PCGF2: variants seen among roughly 807,000 people sequenced by gnomAD.
The protein encoded by PCGF2 is polycomb group RING finger protein 2.
A neutral mutation model predicts 36.1 loss-of-function variants in PCGF2; 8 were observed. The ratio of observed to expected loss-of-function variants is 0.22; its 90% confidence interval spans 0.13 to 0.40. The LOEUF (loss-of-function observed/expected upper bound fraction) is 0.40. Ranked by LOEUF, PCGF2 falls within the 10% of genes least tolerant of loss-of-function variation. The pLI, the probability that PCGF2 is intolerant of heterozygous loss-of-function variation, is 1.00. For missense variants in PCGF2, 436 were observed against 475.9 expected, an observed-to-expected ratio of 0.92 and a Z score of 0.78; for synonymous variants, 198 against 191.2, an observed-to-expected ratio of 1.04 and a Z score of -0.29.
intron 2 of PCGF2, among the ~76,000 whole-genome samples, chr17:38,741,741 T>A (rs1030038321): frequency 6.6e-6 from 1 of 152,140 alleles, no homozygotes; most frequent in Admixed American, 6.5e-5. Flanking sequence ...GGTCCTTACA[T>A]GCCTGAAGTT....
In PCGF2 at chr17:38,738,823, C is replaced by T; in HGVS notation, c.355G>A (p.Glu119Lys). ...TCACTCAGAGCCCCCTTCTCCTGCT[C>T]CAAGACCTCGCCGCGGTCCTCATTG... is the stretch of plus-strand genomic sequence containing the variant. ...GSNEDRGEVL[E>K]QEKGALSDDE... Residue 119 changes from glutamate (E) to lysine (K), a missense_variant, in exon 7 of 11, where the codon GAG becomes AAG. Coordinates refer to ENST00000620225, the MANE Select transcript of PCGF2 (RefSeq NM_007144.3). 6.2e-7 allele frequency: 1 copy of T among 1,614,084 alleles called. No homozygotes were observed. Among genetic ancestry groups the T allele is most frequent in the East Asian group, 2.2e-5 (1 of 44,888 alleles).
In PCGF2 at chr17:38,738,400, G is replaced by C; in HGVS notation, c.529C>G (p.Leu177Val). 1 of 1,614,206 alleles carries C rather than the reference G, an allele frequency of 6.2e-7. No homozygotes were observed. Among genetic ancestry groups the C allele is most frequent in the Non-Finnish European group, 8.5e-7 (1 of 1,180,030 alleles). ...ATCTTGTTGCGGAGAAACTTGGCAA[G>C]ATGCATGACGGTCATGGCTGCTGGG... ...RCPAAMTVMH[L>V]AKFLRNKMDV... The change falls in exon 9 of 11, where the codon CTT (leucine) becomes GTT (valine). Residue 177 changes from leucine (L) to valine (V), a missense_variant. By Grantham distance (32) the Leu-to-Val change is conservative. Coordinates refer to ENST00000620225, the MANE Select transcript of PCGF2 (RefSeq NM_007144.3).
intron 2 of PCGF2, among the ~76,000 whole-genome samples, chr17:38,741,542 C>T (rs1000621822): frequency 2.0e-5 from 3 of 152,202 alleles, no homozygotes; most frequent in Non-Finnish European, 4.4e-5. Context: ...TCCCTGGAAA[C>T]ACCATGGACA....
At chr17:38,736,022 A>C in intron 10 of PCGF2, 68 bp downstream of exon 10, 1 of 1,024,402 alleles carries the variant, frequency 9.8e-7, no homozygotes, top group Non-Finnish European at 1.5e-6. Context: ...AGGGTGGCCC[A>C]TGTGGCCACA....
intron 2 of PCGF2, among the ~76,000 whole-genome samples, chr17:38,747,603 G>T (rs1907620279): frequency 6.6e-6 from 1 of 151,802 alleles, no homozygotes; most frequent in African/African-American, 2.4e-5. Context: ...AGCGGGGACC[G>T]GCGGGGGGAG....
intron 2 of PCGF2, among the ~76,000 whole-genome samples, chr17:38,743,140 A>T (rs923665872): frequency 9.5e-5 from 14 of 147,028 alleles, no homozygotes; most frequent in Non-Finnish European, 1.6e-4. Flanking sequence ...GCCCAGGCTG[A>T]AGTACAGTGG....
chr17:38,740,885 G>A (rs1057437985), intron 2 of PCGF2, among the ~76,000 whole-genome samples: 1 of 152,122 alleles, frequency 6.6e-6, no homozygotes, highest in African/African-American at 2.4e-5. Flanking sequence ...GTGGGCTGGG[G>A]GTGTACATGT....
Position 38,733,980 on chromosome 17 carries a change from C to G in PCGF2, c.*1243G>C, listed in dbSNP as rs1906477580. ...GGGTACAGTCACAGGACCTCAGACA[C>G]AGGACAAGGTGCAAACACAGACAAG... On this transcript the variant is annotated 3_prime_UTR_variant, in exon 11 of 11. Coordinates refer to ENST00000620225, the MANE Select transcript of PCGF2 (RefSeq NM_007144.3). The G allele has an allele frequency of 6.5e-6, 1 of 153,648 alleles. No individual in the cohort carries two copies. Among genetic ancestry groups the G allele is most frequent in the Non-Finnish European group, 1.4e-5 (1 of 69,182 alleles). The allele number at this position is 153,648 out of a possible 1,614,324, so 9.5% of individuals were successfully genotyped here.
chr17:38,738,829 C>T lies in PCGF2; in HGVS notation c.349G>A (p.Val117Ile). The T allele has an allele frequency of 6.2e-7, 1 of 1,614,088 alleles. No homozygotes were observed. The highest frequency in any genetic ancestry group is 8.5e-7 in the Non-Finnish European group (1 of 1,179,966). Reference sequence around the variant, plus strand: ...AGAGCCCCCTTCTCCTGCTCCAAGACCTCGCCGCGGTCCTCATTGGAGCCG... The same window carrying T: ...AGAGCCCCCTTCTCCTGCTCCAAGATCTCGCCGCGGTCCTCATTGGAGCCG... ...PNGSNEDRGE[V>I]LEQEKGALSD... Residue 117 changes from valine to isoleucine, a missense_variant, in exon 7 of 11, where the codon GTC becomes ATC. Physicochemically the swap from Val to Ile is conservative, Grantham distance 29. Coordinates refer to ENST00000620225, the MANE Select transcript of PCGF2 (RefSeq NM_007144.3).
intron 2 of PCGF2, among the ~76,000 whole-genome samples, chr17:38,743,760 G>C (rs1370893171): frequency 6.6e-6 from 1 of 151,994 alleles, no homozygotes; most frequent in Non-Finnish European, 1.5e-5. Flanking sequence ...TGACTCCCTA[G>C]AGCACCCTCT....
At chr17:38,735,845 C>T (rs1906671481) in intron 10 of PCGF2, among the ~76,000 whole-genome samples, 2 of 152,116 alleles carry the variant, frequency 1.3e-5, no homozygotes, top group African/African-American at 4.8e-5. Flanking sequence ...CGGCAGCTGC[C>T]AGCACCTATT....
At chr17:38,740,065 A>G (rs774099855) in intron 3 of PCGF2, among the ~76,000 whole-genome samples, 2 of 152,240 alleles carry the variant, frequency 1.3e-5, no homozygotes, top group African/African-American at 2.4e-5. Flanking sequence ...TCAAGAAAGA[A>G]CTGAGATTTC....
chr17:38,739,580 G>C lies in PCGF2; in HGVS notation c.209+6C>G. The C allele has an allele frequency of 6.2e-7, 1 of 1,607,072 alleles. No homozygotes were observed. Among genetic ancestry groups the C allele is most frequent in the South Asian group, 1.1e-5 (1 of 90,934 alleles). ...GCGGGGACAGGAGGTGCCGTGCCAA[G>C]CCCACCTGATGCTCAGCAGCGGCCG... is the stretch of plus-strand genomic sequence containing the variant. On this transcript the variant is annotated splice_donor_region_variant and intron_variant, in intron 4 of 10. Coordinates refer to ENST00000620225, the MANE Select transcript of PCGF2 (RefSeq NM_007144.3). The surrounding 1 kb of genome is among the most constrained non-coding windows in gnomAD (Gnocchi z 4.0).
At chr17:38,737,095 A>G (rs1195902427) in intron 9 of PCGF2, among the ~76,000 whole-genome samples, 1 of 151,272 alleles carries the variant, frequency 6.6e-6, no homozygotes, top group African/African-American at 2.4e-5. Context: ...AGATCCTGCC[A>G]TTGCACTCCA....
At chr17:38,745,626 A>G (rs1025738976) in intron 2 of PCGF2, among the ~76,000 whole-genome samples, 4 of 152,252 alleles carry the variant, frequency 2.6e-5, no homozygotes, top group African/African-American at 9.6e-5. Context: ...CTGTGACAAG[A>G]AAGTGCCTGA....
rs1907057435 is a variant in PCGF2 at position 38,739,834 on chromosome 17, G to T, written c.113-152C>A. The T allele has an allele frequency of 3.0e-6, 2 of 674,854 alleles. No homozygotes were observed. Among genetic ancestry groups the T allele is most frequent in the East Asian group, 5.3e-5 (2 of 37,408 alleles). The allele number at this position is 674,854 out of a possible 1,614,324, so 41.8% of individuals were successfully genotyped here. A position where few individuals can be genotyped will look rare whatever the true frequency, so the allele number is the denominator to read the frequency against. ...TGGCGATGTGTGTTCTGCACGTGTGGTACCTGTCCTTGTGCACTGTTGAGG... is the reference window on the plus strand; with the variant it reads ...TGGCGATGTGTGTTCTGCACGTGTGTTACCTGTCCTTGTGCACTGTTGAGG... On this transcript the variant is annotated intron_variant, in intron 3 of 10. Transcript: ENST00000620225. This position sits in a 1 kb window ranked among gnomAD's most constrained non-coding sequence, Gnocchi z 4.0.
In PCGF2 at chr17:38,739,463, A is replaced by T. The variant is rs1907025337; in HGVS notation, c.209+123T>A. On this transcript the variant is annotated intron_variant, in intron 4 of 10. Coordinates refer to ENST00000620225, the MANE Select transcript of PCGF2 (RefSeq NM_007144.3). This position sits in a 1 kb window ranked among gnomAD's most constrained non-coding sequence, Gnocchi z 4.0. ...TAACCCCAAGGTCGGGGAGTAGCCC[A>T]GGTCCACACCCCATGCTTCTCCTAC... 2 of 923,340 alleles carry T rather than the reference A, an allele frequency of 2.2e-6. No homozygotes were observed. The highest frequency in any genetic ancestry group is 1.8e-6 in the Non-Finnish European group (1 of 562,926). The allele number at this position is 923,340 out of a possible 1,614,324, so 57.2% of individuals were successfully genotyped here. A position where few individuals can be genotyped will look rare whatever the true frequency, so the allele number is the denominator to read the frequency against.
Position 38,739,772 on chromosome 17 carries a change from C to T in PCGF2, c.113-90G>A. ...GCCCTCTGCTCAGACTCAGATATCC[C>T]TCCTCCTCCACCCTGTCCCTGCTCC... On this transcript the variant is annotated intron_variant, in intron 3 of 10. Coordinates refer to ENST00000620225, the MANE Select transcript of PCGF2 (RefSeq NM_007144.3). The surrounding 1 kb of genome is among the most constrained non-coding windows in gnomAD (Gnocchi z 4.0). 1.1e-6 allele frequency: 1 copy of T among 919,868 alleles called. No individual in the cohort carries two copies. Among genetic ancestry groups the T allele is most frequent in the South Asian group, 1.3e-5 (1 of 76,398 alleles). The allele number at this position is 919,868 out of a possible 1,614,324, so 57.0% of individuals were successfully genotyped here. A position where few individuals can be genotyped will look rare whatever the true frequency, so the allele number is the denominator to read the frequency against.
intron 9 of PCGF2, among the ~76,000 whole-genome samples, chr17:38,737,805 G>A (rs886078319): frequency 3.3e-5 from 5 of 151,778 alleles, no homozygotes; most frequent in East Asian, 3.9e-4. Flanking sequence ...CCAGCTACTC[G>A]GGAGGCTGAG....
Sources: allele counts gnomAD v4.1 joint callset (sites outside exome capture counted in the v4.1 genomes callset), GRCh38; gene constraint gnomAD v4.1.1; non-coding constraint Gnocchi (gnomAD v3.1); transcripts MANE v1.5; gene names NCBI Gene and HGNC (gene_info 2026-07-23, HGNC 2026-07-21).